The following CLSTN2 variants were observed in gnomAD, a reference collection of about 807,000 sequenced individuals.
The protein encoded by CLSTN2 is calsyntenin 2, also known as calsyntenin-2.
In CLSTN2, 48 loss-of-function variants were observed where a neutral mutation model predicts 101.2. That is an observed-to-expected ratio of 0.47 (90% confidence interval 0.38 to 0.60). The LOEUF is 0.60. Among genes scored for constraint, CLSTN2 ranks in the 20% least tolerant of loss-of-function variants. The probability of loss-of-function intolerance (pLI) is 0.00; values close to 1 mark genes in which losing one functional copy is unlikely to be tolerated. For synonymous variants in CLSTN2, 481 were observed against 463.6 expected (o/e 1.04, Z -0.48); for missense variants, 1,160 against 1,238.2 (o/e 0.94, Z 0.95).
intron 1 of CLSTN2, among the ~76,000 whole-genome samples, chr3:140,139,894 C>T (rs1313070317): frequency 2.0e-5 from 3 of 152,210 alleles, no homozygotes; most frequent in African/African-American, 7.2e-5. Flanking sequence ...CTGGACACTT[C>T]TTCAGTTCTA....
At chr3:139,999,460 C>T (rs1176346409) in intron 1 of CLSTN2, among the ~76,000 whole-genome samples, 1 of 152,020 alleles carries the variant, frequency 6.6e-6, no homozygotes, top group Non-Finnish European at 1.5e-5. Flanking sequence ...CCCATACCTG[C>T]CTGCCTCATA....
intron 1 of CLSTN2, among the ~76,000 whole-genome samples, chr3:140,046,232 T>TC (rs1030869016): frequency 6.8e-6 from 1 of 146,244 alleles, no homozygotes; most frequent in African/African-American, 2.5e-5. Flanking sequence ...GATAGTTACC[T>TC]CTTCTTGTTG....
chr3:140,559,788 A>G (rs181917594), intron 12 of CLSTN2, among the ~76,000 whole-genome samples: 100 of 152,260 alleles, frequency 6.6e-4, no homozygotes, highest in Non-Finnish European at 5.9e-5. Context: ...CTGTTATAAT[A>G]ATCCTAATTA....
At chr3:140,332,571 A>G (rs1365412896) in intron 2 of CLSTN2, among the ~76,000 whole-genome samples, 1 of 152,028 alleles carries the variant, frequency 6.6e-6, no homozygotes, top group Non-Finnish European at 1.5e-5. Flanking sequence ...AGTGGACGAG[A>G]AATGTTGTGA....
In CLSTN2 at chr3:140,512,300, T is replaced by A. The variant is rs147817989; in HGVS notation, c.1345-20024T>A. On this transcript the variant is annotated intron_variant, in intron 8 of 16. Coordinates refer to ENST00000458420, the MANE Select transcript of CLSTN2 (RefSeq NM_022131.3). Reference sequence around the variant, plus strand: ...TTATATTTAAGTCTTTAATTCATGTTGAGTTAATTTTTGCATCTATAGTTT... The same window carrying A: ...TTATATTTAAGTCTTTAATTCATGTAGAGTTAATTTTTGCATCTATAGTTT... Among the ~76,000 whole-genome samples, 61 of 152,234 alleles carry A rather than the reference T, an allele frequency of 4.0e-4. No homozygotes were observed. In the East Asian group the frequency reaches 0.011, roughly 28 times the overall value.
At chr3:140,493,629 A>C (rs1389435752) in intron 8 of CLSTN2, among the ~76,000 whole-genome samples, 1 of 152,220 alleles carries the variant, frequency 6.6e-6, no homozygotes, top group African/African-American at 2.4e-5. Context: ...CAACATAACC[A>C]GGTCATAATA....
At chr3:140,009,222 C>T (rs931250594) in intron 1 of CLSTN2, among the ~76,000 whole-genome samples, 1 of 152,150 alleles carries the variant, frequency 6.6e-6, no homozygotes, top group African/African-American at 2.4e-5. Context: ...ATTTTCTGTT[C>T]TTTCCTGAAG....
chr3:140,535,660 A>C (rs1362055233), intron 9 of CLSTN2, among the ~76,000 whole-genome samples: 1 of 152,240 alleles, frequency 6.6e-6, no homozygotes, highest in Non-Finnish European at 1.5e-5. Flanking sequence ...AAACTTTAAA[A>C]GCTGTAATTG....
intron 2 of CLSTN2, among the ~76,000 whole-genome samples, chr3:140,228,723 G>A (rs943695853): frequency 6.6e-6 from 1 of 152,188 alleles, no homozygotes. Context: ...GGAAGGCAAG[G>A]AGGAGCAAGT....
chr3:140,137,768 A>G (rs1178480377), intron 1 of CLSTN2, among the ~76,000 whole-genome samples: 1 of 152,210 alleles, frequency 6.6e-6, no homozygotes, highest in Non-Finnish European at 1.5e-5. Context: ...CATGAGGCAG[A>G]CAACATCGGT....
At chr3:140,002,446 T>C (rs1212285408) in intron 1 of CLSTN2, among the ~76,000 whole-genome samples, 1 of 152,224 alleles carries the variant, frequency 6.6e-6, no homozygotes, top group Non-Finnish European at 1.5e-5. Flanking sequence ...GTTCCTTATA[T>C]ATTATGGTTA....
chr3:140,139,689 C>T (rs887364752), intron 1 of CLSTN2, among the ~76,000 whole-genome samples: 7 of 152,154 alleles, frequency 4.6e-5, no homozygotes, highest in Admixed American at 2.0e-4. Context: ...TAATTCGATC[C>T]GACTCTACCA....
At chr3:140,464,930 G>C (rs1933650321) in intron 7 of CLSTN2, among the ~76,000 whole-genome samples, 1 of 152,196 alleles carries the variant, frequency 6.6e-6, no homozygotes, top group African/African-American at 2.4e-5. Flanking sequence ...CAAGAATGGT[G>C]ATGCTTTCCT....
At chr3:140,132,740 A>G (rs1477473772) in intron 1 of CLSTN2, among the ~76,000 whole-genome samples, 2 of 152,236 alleles carry the variant, frequency 1.3e-5, no homozygotes, top group African/African-American at 4.8e-5. Context: ...AATGCAAAAC[A>G]GTTCTTGCAA....
At chr3:139,992,630 G>C (rs2107828846) in intron 1 of CLSTN2, among the ~76,000 whole-genome samples, 1 of 152,342 alleles carries the variant, frequency 6.6e-6, no homozygotes, top group East Asian at 1.9e-4. Context: ...CAAAGCTCCT[G>C]TGCCCCTTAT....
At position 140,430,917 on chromosome 3, in the gene CLSTN2, A is replaced by G. The variant is rs771892364; in HGVS notation, c.787+9643A>G. On this transcript the variant is annotated intron_variant, in intron 5 of 16. Transcript: ENST00000458420. ...ATTCAAATTCGTATCAGCCTATTCC[A>G]GAGGGCATCTTACTGTGTCAGAAGA... Among the ~76,000 whole-genome samples the G allele has an allele frequency of 2.6e-4, 40 of 152,250 alleles. 1 individual carries two copies. Among genetic ancestry groups the G allele is most frequent in the Admixed American group, 1.3e-4 (2 of 15,284 alleles).
At chr3:140,344,192 T>C (rs1452041791) in intron 2 of CLSTN2, among the ~76,000 whole-genome samples, 1 of 152,174 alleles carries the variant, frequency 6.6e-6, no homozygotes, top group Non-Finnish European at 1.5e-5. Flanking sequence ...ATGTGTGTCA[T>C]CATCTGGAGT....
At chr3:140,077,596 G>A (rs114356802) in intron 1 of CLSTN2, among the ~76,000 whole-genome samples, 3,225 of 152,220 alleles carry the variant, frequency 0.021, 132 homozygotes, top group African/African-American at 0.073. Flanking sequence ...CTGTCAGGAA[G>A]GCCTGCCCTG....
At chr3:140,274,752 A>T (rs1016662890) in intron 2 of CLSTN2, among the ~76,000 whole-genome samples, 4 of 152,218 alleles carry the variant, frequency 2.6e-5, no homozygotes, top group African/African-American at 9.6e-5. Context: ...GAAAGAGGAA[A>T]GGCTGTCAAG....
Sources: gnomAD v4.1 joint callset for allele counts (sites outside exome capture counted in the v4.1 genomes callset) on GRCh38, gnomAD v4.1.1 for gene constraint, MANE v1.5 for transcripts, NCBI Gene and HGNC (gene_info 2026-07-23, HGNC 2026-07-21) for gene names.